Variants in SPIDR observed in about 807,000 individuals in gnomAD.
SPIDR encodes scaffold protein involved in DNA repair.
In SPIDR, 93 loss-of-function variants were observed where a neutral mutation model predicts 104.6. The ratio of observed to expected loss-of-function variants is 0.89; its 90% CI spans 0.75 to 1.06. The LOEUF (loss-of-function observed/expected upper bound fraction) is 1.06. SPIDR is among the 50% of genes least tolerant of loss of function. The pLI, the probability that SPIDR is intolerant of heterozygous loss-of-function variation, is 0.00. For missense variants in SPIDR, 1,154 were observed against 1,111.2 expected, an observed-to-expected ratio of 1.04 and a Z score of -0.55; for synonymous variants, 431 against 416.9, an observed-to-expected ratio of 1.03 and a Z score of -0.41.
intron 14 of SPIDR, among the ~76,000 whole-genome samples, chr8:47,707,753 G>A (rs2081291994): frequency 6.6e-6 from 1 of 152,162 alleles, no homozygotes; most frequent in African/African-American, 2.4e-5. Context: ...AGTCCATGAT[G>A]CATTTGGAGT....
At chr8:47,735,128 G>T (rs1177083984) in intron 19 of SPIDR, among the ~76,000 whole-genome samples, 179 bp from the exon 20 acceptor site, 3 of 150,156 alleles carry the variant, frequency 2.0e-5, no homozygotes, top group Non-Finnish European at 4.4e-5. Flanking sequence ...GTGTGTGTGT[G>T]TGTGTGTAGT....
At chr8:47,704,143 A>G (rs1288007474) in intron 14 of SPIDR, among the ~76,000 whole-genome samples, 1 of 152,142 alleles carries the variant, frequency 6.6e-6, no homozygotes, top group Non-Finnish European at 1.5e-5. Flanking sequence ...TAACCTGTGG[A>G]TTAGCTAGTG....
intron 8 of SPIDR, among the ~76,000 whole-genome samples, chr8:47,502,374 T>C (rs1488037872): frequency 6.6e-6 from 1 of 152,140 alleles, no homozygotes; most frequent in Non-Finnish European, 1.5e-5. Context: ...CTTGGGAGGG[T>C]GTATGTGTGC....
At chr8:47,501,552 A>G (rs2080439570) in intron 8 of SPIDR, among the ~76,000 whole-genome samples, 1 of 152,152 alleles carries the variant, frequency 6.6e-6, no homozygotes, top group Admixed American at 6.5e-5. Context: ...GGCTGAGATG[A>G]TGGGGTTTTC....
At chr8:47,700,553 G>A (rs941637325) in intron 12 of SPIDR, 63 bp downstream of exon 12, 2 of 1,533,138 alleles carry the variant, frequency 1.3e-6, no homozygotes, top group African/African-American at 1.4e-5. Flanking sequence ...TGCCAAGCCA[G>A]GCGTCATCAC....
At chr8:47,304,685 C>G (rs1473394925) in intron 5 of SPIDR, among the ~76,000 whole-genome samples, 1 of 152,122 alleles carries the variant, frequency 6.6e-6, no homozygotes, top group Non-Finnish European at 1.5e-5. Flanking sequence ...GAAGCATATG[C>G]CACCATTCTT....
chr8:47,416,090 A>G (rs782081265), intron 7 of SPIDR, among the ~76,000 whole-genome samples: 7 of 152,160 alleles, frequency 4.6e-5, no homozygotes, highest in Non-Finnish European at 1.0e-4. Context: ...CTAAAAATAC[A>G]AAAATTAGCC....
intron 8 of SPIDR, among the ~76,000 whole-genome samples, chr8:47,581,337 T>G (rs2059674504): frequency 6.6e-6 from 1 of 152,210 alleles, no homozygotes; most frequent in African/African-American, 2.4e-5. Context: ...ACTCATAGTC[T>G]AAATTGAAAA....
chr8:47,298,646 G>A (rs1466768998), intron 5 of SPIDR, among the ~76,000 whole-genome samples: 1 of 152,192 alleles, frequency 6.6e-6, no homozygotes. Flanking sequence ...TGTAAGGAAG[G>A]GATCTGGTTT....
intron 8 of SPIDR, among the ~76,000 whole-genome samples, chr8:47,591,452 A>G (rs2061001987): frequency 6.6e-6 from 1 of 150,770 alleles, no homozygotes; most frequent in East Asian, 1.9e-4. Flanking sequence ...TTATTTATTT[A>G]TTTATTTATC....
intron 5 of SPIDR, among the ~76,000 whole-genome samples, chr8:47,378,442 C>A (rs2058931230): frequency 6.6e-6 from 1 of 152,140 alleles, no homozygotes; most frequent in Non-Finnish European, 1.5e-5. Context: ...AAAGAGAATT[C>A]ATTTTGCCTT....
intron 5 of SPIDR, among the ~76,000 whole-genome samples, chr8:47,360,303 G>C (rs1428228382): frequency 2.0e-5 from 3 of 149,488 alleles, no homozygotes; most frequent in Non-Finnish European, 4.4e-5. Flanking sequence ...CCTGGAGAGA[G>C]GCAACAAGAA....
intron 2 of SPIDR, 41 bp from the exon 3 acceptor site, chr8:47,283,987 C>A: frequency 1.4e-6 from 2 of 1,459,508 alleles, no homozygotes; most frequent in Non-Finnish European, 1.9e-6. Context: ...TTTTTTTTAG[C>A]ATTTGTCACA....
intron 5 of SPIDR, among the ~76,000 whole-genome samples, chr8:47,335,072 A>AAGCATACATAAATACATATAAG (rs1379855960): frequency 2.1e-4 from 32 of 152,318 alleles, no homozygotes; most frequent in African/African-American, 7.2e-4. Context: ...ACTTACATGT[A>AAGCATACATAAATACATATAAG]AGCATACATA....
chr8:47,269,062 G>T (rs1427334208), intron 1 of SPIDR, among the ~76,000 whole-genome samples: 1 of 152,092 alleles, frequency 6.6e-6, no homozygotes, highest in Non-Finnish European at 1.5e-5. Flanking sequence ...AGCTACTCGG[G>T]AGGCTGAGGC....
chr8:47,274,667 T>C (rs2036016339), intron 1 of SPIDR, among the ~76,000 whole-genome samples: 1 of 151,118 alleles, frequency 6.6e-6, no homozygotes, highest in South Asian at 2.1e-4. Flanking sequence ...AACCTCCGCC[T>C]CCTGGGTTCA....
intron 5 of SPIDR, among the ~76,000 whole-genome samples, chr8:47,311,488 CTT>C (rs1327716836): frequency 2.0e-5 from 3 of 152,070 alleles, no homozygotes; most frequent in African/African-American, 4.8e-5. Context: ...TAAAATAACA[CTT>C]AAGTACATTA....
At position 47,491,241 on chromosome 8, in the gene SPIDR, A is replaced by G. The variant is rs552461227; in HGVS notation, c.1097+50699A>G. On this transcript the variant is annotated intron_variant, in intron 8 of 19. Coordinates refer to ENST00000297423, the MANE Select transcript of SPIDR (RefSeq NM_001080394.4). ...TAAATTTTACCTAAATTGAAAAAAT[A>G]GAATAAACACTGTCAGAATATATAT... Among the ~76,000 whole-genome samples the G allele has an allele frequency of 6.6e-5, 10 of 152,278 alleles. No homozygotes were observed. The South Asian group carries it at 2.1e-3, about 32-fold the overall frequency.
At chr8:47,459,033 C>A (rs1170726083) in intron 8 of SPIDR, among the ~76,000 whole-genome samples, 3 of 152,046 alleles carry the variant, frequency 2.0e-5, no homozygotes, top group Non-Finnish European at 2.9e-5. Flanking sequence ...TAGTTGGATG[C>A]GGTTAGCTAG....
Sources: gnomAD v4.1 joint callset for allele counts (sites outside exome capture counted in the v4.1 genomes callset) on GRCh38, gnomAD v4.1.1 for gene constraint, MANE v1.5 for transcripts, NCBI Gene and HGNC (gene_info 2026-07-23, HGNC 2026-07-21) for gene names.